The following IMMP2L variants were observed in gnomAD, a reference collection of about 807,000 sequenced individuals.
The protein encoded by IMMP2L is inner mitochondrial membrane peptidase subunit 2, also known as mitochondrial inner membrane protease subunit 2.
Under a neutral mutation model 19.3 loss-of-function variants are expected in IMMP2L, and 18 were observed. The ratio of observed to expected loss-of-function variants is 0.93; its 90% confidence interval spans 0.64 to 1.38. The LOEUF (loss-of-function observed/expected upper bound fraction) is 1.38. IMMP2L is among the 40% of genes most tolerant of loss of function. The probability of loss-of-function intolerance (pLI) is 0.00; values close to 1 mark genes in which losing one functional copy is unlikely to be tolerated. For synonymous variants in IMMP2L, 76 were observed against 73.0 expected (o/e 1.04, Z -0.21); for missense variants, 233 against 218.2 (o/e 1.07, Z -0.43).
intron 3 of IMMP2L, among the ~76,000 whole-genome samples, chr7:111,249,759 C>G (rs1204230381): frequency 2.6e-5 from 4 of 152,084 alleles, no homozygotes; most frequent in African/African-American, 9.7e-5. Context: ...AAAGAGCATA[C>G]CTCAAAATAA....
chr7:111,434,135 C>A (rs1327354812), intron 3 of IMMP2L, among the ~76,000 whole-genome samples: 1 of 151,646 alleles, frequency 6.6e-6, no homozygotes, highest in Non-Finnish European at 1.5e-5. Context: ...GAAACAATGC[C>A]ACATACATAT....
At chr7:110,664,057 C>T (rs746308428) in intron 5 of IMMP2L, among the ~76,000 whole-genome samples, 10 of 152,004 alleles carry the variant, frequency 6.6e-5, no homozygotes, top group South Asian at 4.2e-4. Context: ...AGCTACCAAG[C>T]GGTTAGTCTG....
intron 3 of IMMP2L, among the ~76,000 whole-genome samples, chr7:111,440,211 A>G (rs1490113256): frequency 6.6e-6 from 1 of 151,896 alleles, no homozygotes. Context: ...AATCCCATGA[A>G]TCAGTTCTTA....
chr7:111,357,601 G>A (rs1016392278), intron 3 of IMMP2L, among the ~76,000 whole-genome samples: 3 of 152,132 alleles, frequency 2.0e-5, no homozygotes, highest in Middle Eastern at 6.8e-3. Flanking sequence ...TTGTCTGAAT[G>A]TTGCACTTTG....
intron 2 of IMMP2L, among the ~76,000 whole-genome samples, chr7:111,516,007 G>A (rs878868873): frequency 6.6e-6 from 1 of 152,060 alleles, no homozygotes; most frequent in Non-Finnish European, 1.5e-5. Flanking sequence ...TTAGTGAAAT[G>A]GACAGCACTG....
intron 1 of IMMP2L, among the ~76,000 whole-genome samples, chr7:111,547,544 T>G (rs1426809509): frequency 6.7e-6 from 1 of 148,212 alleles, no homozygotes; most frequent in Non-Finnish European, 1.5e-5. Context: ...TGCTTGTTTT[T>G]TTTTAATTTT....
At chr7:110,822,480 T>C (rs1463344680) in intron 5 of IMMP2L, among the ~76,000 whole-genome samples, 1 of 152,138 alleles carries the variant, frequency 6.6e-6, no homozygotes, top group Non-Finnish European at 1.5e-5. Context: ...GGAATTCCTG[T>C]TTGCTGTAAA....
Position 110,702,743 on chromosome 7 carries a change from T to C in IMMP2L, c.409-39022A>G, listed in dbSNP as rs1353249473. 5.3e-5 allele frequency among the ~76,000 whole-genome samples: 8 copies of C among 152,134 alleles called. No individual in the cohort carries two copies. The South Asian group carries it at 1.2e-3, about 24-fold the overall frequency. On this transcript the variant is annotated intron_variant, in intron 5 of 5. Transcript: ENST00000405709. ...TTGCTAGTATAGAGAAACAAATTAA[T>C]TTTTTTGTATATTGACCTGTACTCT... is the stretch of plus-strand genomic sequence containing the variant.
chr7:110,832,254 C>T (rs182551765), intron 5 of IMMP2L, among the ~76,000 whole-genome samples: 10 of 149,258 alleles, frequency 6.7e-5, no homozygotes, highest in Non-Finnish European at 1.2e-4. Context: ...AGCAAGACTC[C>T]TCTCAAAACA....
At chr7:110,994,658 T>C (rs1038921402) in intron 3 of IMMP2L, among the ~76,000 whole-genome samples, 3 of 152,174 alleles carry the variant, frequency 2.0e-5, no homozygotes, top group Admixed American at 6.6e-5. Flanking sequence ...CAACCACTTA[T>C]AGCTTAGCTG....
intron 5 of IMMP2L, among the ~76,000 whole-genome samples, chr7:110,765,055 C>T (rs899764550): frequency 6.6e-6 from 1 of 152,022 alleles, no homozygotes; most frequent in African/African-American, 2.4e-5. Context: ...CTGACCTAGA[C>T]ATTTTGCCGC....
At chr7:111,142,115 CGGGAG>C (rs1802963571) in intron 3 of IMMP2L, among the ~76,000 whole-genome samples, 1 of 152,054 alleles carries the variant, frequency 6.6e-6, no homozygotes, top group African/African-American at 2.4e-5. Flanking sequence ...GACCTGAGAT[CGGGAG>C]TGCGAGACCA....
At chr7:110,927,268 C>T (rs1252195064) in intron 4 of IMMP2L, among the ~76,000 whole-genome samples, 5 of 152,014 alleles carry the variant, frequency 3.3e-5, no homozygotes, top group African/African-American at 4.8e-5. Context: ...ACTACCTGAG[C>T]CGTATAGACA....
At chr7:110,987,038 A>G (rs2129558925) in intron 3 of IMMP2L, among the ~76,000 whole-genome samples, 1 of 152,310 alleles carries the variant, frequency 6.6e-6, no homozygotes, top group South Asian at 2.1e-4. Context: ...ATAGTAGAGT[A>G]GGAAAAATAT....
intron 3 of IMMP2L, among the ~76,000 whole-genome samples, chr7:111,240,416 C>G (rs987966886): frequency 6.6e-6 from 1 of 151,900 alleles, no homozygotes; most frequent in Non-Finnish European, 1.5e-5. Context: ...GAGATGTTTA[C>G]AACACAGTCA....
chr7:110,896,656 T>C (rs1161035289), intron 4 of IMMP2L, among the ~76,000 whole-genome samples: 1 of 27,442 alleles, frequency 3.6e-5, no homozygotes, highest in Admixed American at 3.1e-4. Flanking sequence ...TTTTCGTATG[T>C]TATTTTACAT....
chr7:111,309,457 G>C (rs1281263905), intron 3 of IMMP2L, among the ~76,000 whole-genome samples: 1 of 152,054 alleles, frequency 6.6e-6, no homozygotes, highest in Admixed American at 6.6e-5. Context: ...AGGTCCATAA[G>C]GAACCATTTA....
At chr7:111,137,096 T>C (rs544624699) in intron 3 of IMMP2L, among the ~76,000 whole-genome samples, 13 of 152,240 alleles carry the variant, frequency 8.5e-5, no homozygotes, top group African/African-American at 2.9e-4. Flanking sequence ...TAACGATATA[T>C]AGTCTTCGTC....
At chr7:111,333,191 C>A (rs1311597306) in intron 3 of IMMP2L, among the ~76,000 whole-genome samples, 1 of 152,140 alleles carries the variant, frequency 6.6e-6, no homozygotes, top group Non-Finnish European at 1.5e-5. Context: ...CAGCACGTGA[C>A]CAGTTGCACA....
Sources: allele counts gnomAD v4.1 joint callset (sites outside exome capture counted in the v4.1 genomes callset), GRCh38; gene constraint gnomAD v4.1.1; transcripts MANE v1.5; gene names NCBI Gene and HGNC (gene_info 2026-07-23, HGNC 2026-07-21).